Variants in SLC5A5 observed in about 807,000 individuals in gnomAD.
SLC5A5 encodes the protein sodium/iodide cotransporter.
A neutral mutation model predicts 68.6 loss-of-function variants in SLC5A5; 56 were observed. The ratio of observed to expected loss-of-function variants is 0.82; its 90% confidence interval spans 0.66 to 1.02. The LOEUF is 1.02. Among genes scored for constraint, SLC5A5 ranks in the 50% least tolerant of loss-of-function variants. SLC5A5 has a pLI of 0.00. For synonymous variants in SLC5A5, 398 were observed against 373.0 expected (o/e 1.07, Z -0.77); for missense variants, 807 against 859.8 (o/e 0.94, Z 0.77).
intron 14 of SLC5A5, among the ~76,000 whole-genome samples, chr19:17,892,292 C>G (rs566280221): frequency 7.0e-6 from 1 of 142,994 alleles, no homozygotes; most frequent in Non-Finnish European, 1.5e-5. Context: ...AGCAAGACTT[C>G]GTCAAAAAGA....
chr19:17,874,222 G>T lies in SLC5A5; in HGVS notation c.423+19G>T, dbSNP rs2094301118. Reference sequence around the variant, plus strand: ...AGCCACGGTGAGTGGCCTCGGCCCCGCCCTCCGCTCAGGGCCCCGAGAGCG... The same window carrying T: ...AGCCACGGTGAGTGGCCTCGGCCCCTCCCTCCGCTCAGGGCCCCGAGAGCG... On this transcript the variant is annotated intron_variant, in intron 2 of 14. Transcript: ENST00000222248. The T allele has an allele frequency of 3.2e-6, 5 of 1,580,240 alleles. No individual in the cohort carries two copies. In the South Asian group the frequency reaches 3.3e-5, roughly 10 times the overall value.
intron 12 of SLC5A5, among the ~76,000 whole-genome samples, chr19:17,887,848 C>T (rs1415303767): frequency 6.7e-6 from 1 of 150,222 alleles, no homozygotes; most frequent in East Asian, 2.0e-4. Flanking sequence ...CCTCGTGATC[C>T]ACCCGCCTTG....
chr19:17,888,189 A>G, intron 12 of SLC5A5, 142 bp from the exon 13 acceptor site: 1 of 990,972 alleles, frequency 1.0e-6, no homozygotes, highest in Non-Finnish European at 1.6e-6. Flanking sequence ...TGGCTACTGC[A>G]CAGATCTGGG....
chr19:17,874,633 G>A (rs1468731005), intron 3 of SLC5A5, 31 bp from the exon 4 acceptor site: 1 of 1,613,608 alleles, frequency 6.2e-7, no homozygotes, highest in Non-Finnish European at 8.5e-7. Context: ...CCCCGCCCAG[G>A]GGCCTAACAG....
intron 14 of SLC5A5, 24 bp downstream of exon 14, chr19:17,891,025 G>A (rs1490744177): frequency 6.7e-7 from 1 of 1,484,578 alleles, no homozygotes. Flanking sequence ...TGGGTTCCCA[G>A]ATCTAGAGGC....
chr19:17,875,556 G>T (rs2094304721), intron 4 of SLC5A5, among the ~76,000 whole-genome samples: 1 of 150,828 alleles, frequency 6.6e-6, no homozygotes. Flanking sequence ...TGAGGCCAGG[G>T]GTTCGAGACC....
chr19:17,874,961 T>G (rs2094303357), intron 4 of SLC5A5, among the ~76,000 whole-genome samples: 1 of 152,156 alleles, frequency 6.6e-6, no homozygotes, highest in South Asian at 2.1e-4. Context: ...TGGCTTCCAG[T>G]CCAGCAGGAA....
In SLC5A5 at chr19:17,877,775, G is replaced by A. The variant is rs761868424; in HGVS notation, c.751G>A (p.Gly251Ser). ...RYTFWTFVVG[G>S]TLVWLSMYGV... The stretch of plus-strand genomic sequence containing the variant: ...TACATTCTGGACTTTTGTGGTGGGT[G>A]GCACGTTGGTGTGGCTCTCCATGTA... Residue 251 changes from glycine to serine, a missense_variant, in exon 6 of 15, where the codon GGC (glycine) becomes AGC (serine). Physicochemically the swap from Gly to Ser is moderately conservative, Grantham distance 56. Transcript: ENST00000222248. 2 of 1,614,242 alleles carry A rather than the reference G, an allele frequency of 1.2e-6. No homozygotes were observed. The highest frequency in any genetic ancestry group is 4.5e-5 in the East Asian group (2 of 44,886).
chr19:17,884,890 C>T (rs2094329850), intron 12 of SLC5A5, among the ~76,000 whole-genome samples: 2 of 151,352 alleles, frequency 1.3e-5, no homozygotes, highest in Non-Finnish European at 2.9e-5. Context: ...GATGGGGTTT[C>T]ACCATGTTGG....
Position 17,872,412 on chromosome 19 carries a change from G to A in SLC5A5, c.93G>A (p.Gly31=), listed in dbSNP as rs764619381. The change falls in exon 1 of 15, where the codon GGG becomes GGA. Residue 31 remains glycine (G), a synonymous_variant. Transcript: ENST00000222248. ...ALMLLVSTGI[G]LWVGLARGGQ... is the part of the protein sequence containing the mutation. ...TGCTCCTGGTGTCCACTGGCATCGG[G>A]CTGTGGGTCGGGCTGGCTCGGGGCG... 6.2e-7 allele frequency: 1 copy of A among 1,607,686 alleles called. No homozygotes were observed. The highest frequency in any genetic ancestry group is 8.5e-7 in the Non-Finnish European group (1 of 1,177,038).
Position 17,888,601 on chromosome 19 carries a change from T to C in SLC5A5, c.1651+146T>C, listed in dbSNP as rs2030022053. The stretch of plus-strand genomic sequence containing the variant: ...ACACATTTGTACCTTATTATTATTA[T>C]TATTATTATTATTATTATCATCATC... On this transcript the variant is annotated intron_variant, in intron 13 of 14. Coordinates refer to ENST00000222248, the MANE Select transcript of SLC5A5 (RefSeq NM_000453.3). The C allele has an allele frequency of 1.2e-5, 5 of 420,928 alleles. No homozygotes were observed. The East Asian group carries it at 2.2e-4, about 19-fold the overall frequency. 26.1% of individuals were successfully genotyped at this position (420,928 alleles called of 1,614,324 possible).
intron 12 of SLC5A5, among the ~76,000 whole-genome samples, chr19:17,886,991 G>A (rs1043357856): frequency 6.6e-6 from 1 of 152,022 alleles, no homozygotes; most frequent in African/African-American, 2.4e-5. Context: ...AAAGAGGATC[G>A]CTTGAGCCTG....
chr19:17,880,838 G>A, intron 7 of SLC5A5, 27 bp from the exon 8 acceptor site: 1 of 1,573,018 alleles, frequency 6.4e-7, no homozygotes, highest in Admixed American at 1.7e-5. Context: ...GCAGCTGTCT[G>A]GGAGGCTGAC....
At chr19:17,882,691 T>C (rs1249199672) in intron 10 of SLC5A5, among the ~76,000 whole-genome samples, 1 of 151,162 alleles carries the variant, frequency 6.6e-6, no homozygotes, top group Admixed American at 6.6e-5. Flanking sequence ...ATTTTTGTAT[T>C]TTTTTTTCTT....
intron 7 of SLC5A5, among the ~76,000 whole-genome samples, chr19:17,878,669 C>T (rs1159071771): frequency 1.3e-5 from 2 of 151,994 alleles, no homozygotes; most frequent in African/African-American, 4.8e-5. Context: ...GGGAGATGCT[C>T]AGGAGGAGAT....
Position 17,893,806 on chromosome 19 carries a change from G to A in SLC5A5, c.1861G>A (p.Glu621Lys). The change falls in exon 15 of 15, where the codon GAG becomes AAG. Residue 621 changes from glutamate to lysine, a missense_variant. Physicochemically the swap from Glu to Lys is moderately conservative, Grantham distance 56. Transcript: ENST00000222248. ...GTTTTTCTTGGGGCAGAAGGAGCTG[G>A]AGGGGGCTGGCTCTTGGACCCCCTG... ...RLFFLGQKELEGAGSWTPCVG... is the reference protein window; with the variant it reads ...RLFFLGQKELKGAGSWTPCVG... 1 of 1,608,588 alleles carries A rather than the reference G, an allele frequency of 6.2e-7. No homozygotes were observed. Among genetic ancestry groups the A allele is most frequent in the African/African-American group, 1.3e-5 (1 of 74,918 alleles).
At chr19:17,876,178 C>G (rs2094306734) in intron 5 of SLC5A5, 72 bp downstream of exon 5, 1 of 1,543,144 alleles carries the variant, frequency 6.5e-7, no homozygotes, top group Admixed American at 1.7e-5. Flanking sequence ...GCCTGTAATC[C>G]CAGCACTTTG....
intron 5 of SLC5A5, among the ~76,000 whole-genome samples, chr19:17,876,857 TC>T (rs1035001356): frequency 2.1e-4 from 28 of 134,998 alleles, no homozygotes; most frequent in African/African-American, 6.2e-4. Context: ...AGAGACTCCG[TC>T]CCCCCCCTAA....
chr19:17,892,323 G>A (rs1330904121), intron 14 of SLC5A5, among the ~76,000 whole-genome samples: 1 of 144,834 alleles, frequency 6.9e-6, no homozygotes, highest in Non-Finnish European at 1.5e-5. Context: ...GGAAGGGAGG[G>A]AGGGAGGGAA....
Sources: gnomAD v4.1 joint callset for allele counts (sites outside exome capture counted in the v4.1 genomes callset) on GRCh38, gnomAD v4.1.1 for gene constraint, MANE v1.5 for transcripts, NCBI Gene and HGNC (gene_info 2026-07-23, HGNC 2026-07-21) for gene names.